Variants in AIG1 observed in about 807,000 individuals in gnomAD.
AIG1 encodes the protein androgen induced 1, also known as androgen-induced gene 1 protein.
Under a neutral mutation model 31.4 loss-of-function variants are expected in AIG1, and 23 were observed. The observed-to-expected ratio is 0.73, with a 90% CI of 0.53 to 1.04. AIG1 has a LOEUF of 1.04. Among genes scored for constraint, AIG1 ranks in the 50% least tolerant of loss-of-function variants. AIG1 has a pLI of 0.00. For missense variants in AIG1, 274 were observed against 295.0 expected (o/e 0.93, Z 0.52); for synonymous variants, 100 against 110.5 (o/e 0.90, Z 0.60).
Position 143,097,462 on chromosome 6 carries a change from G to C in AIG1, c.141+36396G>C, listed in dbSNP as rs1161273239. Among the ~76,000 whole-genome samples the C allele has an allele frequency of 2.0e-5, 3 of 152,146 alleles. No individual in the cohort carries two copies. In the East Asian group the frequency reaches 5.8e-4, roughly 29 times the overall value. ...TAATCCGGATTAAACTCAACTACTTGTCTACTCATGCCTGTACACTAGCAG... is the reference window on the plus strand; with the variant it reads ...TAATCCGGATTAAACTCAACTACTTCTCTACTCATGCCTGTACACTAGCAG... On this transcript the variant is annotated intron_variant, in intron 1 of 5. Transcript: ENST00000357847.
Position 143,148,484 on chromosome 6 carries a change from G to A in AIG1, c.297+11494G>A, listed in dbSNP as rs141265783. Among the ~76,000 whole-genome samples, 149 of 152,162 alleles carry A rather than the reference G, an allele frequency of 9.8e-4. 1 individual carries two copies. The Middle Eastern group carries it at 0.01, about 10-fold the overall frequency. On this transcript the variant is annotated intron_variant, in intron 2 of 5. Transcript: ENST00000357847. ...AGATGGTGCCACTGCACTCCAGGCT[G>A]GGCGATGGAGTGAGACCTTGTCTCA...
intron 1 of AIG1, among the ~76,000 whole-genome samples, chr6:143,092,603 G>A (rs909304309): frequency 2.0e-5 from 3 of 152,126 alleles, no homozygotes; most frequent in Non-Finnish European, 4.4e-5. Flanking sequence ...TTTGTTTTCT[G>A]AGCAGTAGAT....
At chr6:143,221,190 G>T (rs1303749670) in intron 3 of AIG1, among the ~76,000 whole-genome samples, 1 of 152,102 alleles carries the variant, frequency 6.6e-6, no homozygotes, top group Non-Finnish European at 1.5e-5. Context: ...AGGAAATTGG[G>T]TTGTCACCAC....
At chr6:143,171,503 T>TATATA (rs1787606675) in intron 3 of AIG1, among the ~76,000 whole-genome samples, 1 of 123,280 alleles carries the variant, frequency 8.1e-6, no homozygotes, top group Non-Finnish European at 1.6e-5. Context: ...ATAATATATA[T>TATATA]TTAATATATA....
At chr6:143,237,270 A>G (rs1378314030) in intron 3 of AIG1, among the ~76,000 whole-genome samples, 4 of 152,226 alleles carry the variant, frequency 2.6e-5, no homozygotes, top group Non-Finnish European at 5.9e-5. Context: ...ACTGTGTGCC[A>G]TGTACCATGC....
At chr6:143,306,903 T>A (rs1207995443) in intron 4 of AIG1, among the ~76,000 whole-genome samples, 2 of 152,192 alleles carry the variant, frequency 1.3e-5, no homozygotes, top group African/African-American at 4.8e-5. Flanking sequence ...TTCATTTCTT[T>A]TTATTCTTTT....
intron 3 of AIG1, among the ~76,000 whole-genome samples, chr6:143,196,632 C>G (rs942959119): frequency 2.6e-5 from 4 of 152,102 alleles, no homozygotes; most frequent in African/African-American, 7.2e-5. Context: ...CATTTAAAGG[C>G]ATTGGACTTT....
intron 2 of AIG1, among the ~76,000 whole-genome samples, chr6:143,145,947 G>A (rs1784664112): frequency 6.6e-6 from 1 of 152,042 alleles, no homozygotes; most frequent in African/African-American, 2.4e-5. Flanking sequence ...CTTACCAGTA[G>A]TATCATAAAC....
chr6:143,317,030 A>C (rs557154350), intron 4 of AIG1, among the ~76,000 whole-genome samples: 68 of 152,074 alleles, frequency 4.5e-4, no homozygotes, highest in African/African-American at 1.4e-3. Context: ...TTGCCAACAA[A>C]AAAAAAAATC....
intron 4 of AIG1, among the ~76,000 whole-genome samples, chr6:143,322,477 T>C (rs959985629): frequency 6.6e-6 from 1 of 152,228 alleles, no homozygotes; most frequent in African/African-American, 2.4e-5. Context: ...CCCTACAATG[T>C]TCGATGTCTC....
chr6:143,244,534 A>T (rs1212825747), intron 3 of AIG1, among the ~76,000 whole-genome samples: 1 of 152,216 alleles, frequency 6.6e-6, no homozygotes, highest in Non-Finnish European at 1.5e-5. Context: ...TACTAAATGG[A>T]TCACATGGGT....
chr6:143,209,385 A>C (rs891886363), intron 3 of AIG1, among the ~76,000 whole-genome samples: 3 of 152,234 alleles, frequency 2.0e-5, no homozygotes, highest in African/African-American at 7.2e-5. Flanking sequence ...GATGAGATGC[A>C]AATTGCTAAT....
chr6:143,233,625 G>A (rs969815726), intron 3 of AIG1, among the ~76,000 whole-genome samples: 2 of 151,670 alleles, frequency 1.3e-5, no homozygotes, highest in Non-Finnish European at 2.9e-5. Context: ...AAGCTGATGT[G>A]TAGAAAACAG....
At chr6:143,187,894 ATT>A in intron 3 of AIG1, 1 of 1,374,944 alleles carries the variant, frequency 7.3e-7, no homozygotes, top group Non-Finnish European at 9.4e-7. Flanking sequence ...TTACCCCTTA[ATT>A]TGGTGTTGGA....
rs191126113 is a variant in AIG1 at position 143,287,915 on chromosome 6, A to G, written c.515+3690A>G. On this transcript the variant is annotated intron_variant, in intron 4 of 5. Coordinates refer to ENST00000357847, the MANE Select transcript of AIG1 (RefSeq NM_016108.4). The stretch of plus-strand genomic sequence containing the variant: ...CTGGATCACTTGCACAAAATCAAAA[A>G]CAATTTTAATAGTCATAAACAACTC... Among the ~76,000 whole-genome samples the G allele has an allele frequency of 3.4e-4, 51 of 152,238 alleles. No individual in the cohort carries two copies. The East Asian group carries it at 7.9e-3, about 24-fold the overall frequency.
At chr6:143,210,684 C>T (rs1791514339) in intron 3 of AIG1, among the ~76,000 whole-genome samples, 1 of 152,112 alleles carries the variant, frequency 6.6e-6, no homozygotes, top group African/African-American at 2.4e-5. Flanking sequence ...CTTAGGTAGA[C>T]TTACTAAAGT....
At chr6:143,116,875 C>T (rs1451377260) in intron 1 of AIG1, among the ~76,000 whole-genome samples, 1 of 151,928 alleles carries the variant, frequency 6.6e-6, no homozygotes, top group Non-Finnish European at 1.5e-5. Context: ...TAATGACCTC[C>T]ACCTGGCAAC....
intron 3 of AIG1, among the ~76,000 whole-genome samples, chr6:143,261,769 C>A (rs1795796098): frequency 6.6e-6 from 1 of 152,144 alleles, no homozygotes; most frequent in Admixed American, 6.6e-5. Context: ...TAAAGAGTTA[C>A]CATTGCTTCA....
intron 4 of AIG1, among the ~76,000 whole-genome samples, chr6:143,320,969 G>C (rs1583863024): frequency 2.0e-5 from 3 of 152,074 alleles, no homozygotes; most frequent in East Asian, 3.9e-4. Context: ...TTACAGGCAT[G>C]TGCCACCACC....
Sources: gnomAD v4.1 joint callset for allele counts (sites outside exome capture counted in the v4.1 genomes callset) on GRCh38, gnomAD v4.1.1 for gene constraint, MANE v1.5 for transcripts, NCBI Gene and HGNC (gene_info 2026-07-23, HGNC 2026-07-21) for gene names.